IL20RB: variants seen among roughly 807,000 people sequenced by gnomAD.
IL20RB encodes interleukin-20 receptor subunit beta.
A neutral mutation model predicts 33.3 loss-of-function variants in IL20RB; 21 were observed. The observed-to-expected ratio is 0.63, with a 90% confidence interval of 0.45 to 0.91. The LOEUF is 0.91. IL20RB is among the 40% of genes least tolerant of loss of function. IL20RB has a pLI of 0.00. For synonymous variants in IL20RB, 147 were observed against 146.8 expected, an observed-to-expected ratio of 1.00 and a Z score of -0.01; for missense variants, 345 against 384.8, an observed-to-expected ratio of 0.90 and a Z score of 0.86.
intron 1 of IL20RB, among the ~76,000 whole-genome samples, chr3:136,962,508 C>T (rs1941248751): frequency 6.6e-6 from 1 of 152,128 alleles, no homozygotes; most frequent in Non-Finnish European, 1.5e-5. Context: ...AATCCCAGCA[C>T]TTTGGGAGGC....
At chr3:136,989,307 G>A in intron 3 of IL20RB, 134 bp from the exon 4 acceptor site, 1 of 975,856 alleles carries the variant, frequency 1.0e-6, no homozygotes, top group South Asian at 1.5e-5. Flanking sequence ...GTTTCCATGA[G>A]CTTGAAGCTA....
Position 137,010,355 on chromosome 3 carries a change from A to G in IL20RB, c.*132A>G, listed in dbSNP as rs916752526. Reference sequence around the variant, plus strand: ...AAGTAGGAAGAGCCTGTTGTCTACAAGTCTAGAAGCAACCATCAGAGGCAG... The same window carrying G: ...AAGTAGGAAGAGCCTGTTGTCTACAGGTCTAGAAGCAACCATCAGAGGCAG... On this transcript the variant is annotated 3_prime_UTR_variant, in exon 7 of 7. Coordinates refer to ENST00000329582, the MANE Select transcript of IL20RB (RefSeq NM_144717.4). 1.6e-6 allele frequency: 1 copy of G among 611,304 alleles called. No individual in the cohort carries two copies. The highest frequency in any genetic ancestry group is 3.0e-6 in the Non-Finnish European group (1 of 334,006). The allele number at this position is 611,304 out of a possible 1,614,324, so 37.9% of individuals were successfully genotyped here.
intron 6 of IL20RB, 117 bp from the exon 7 acceptor site, chr3:137,009,996 G>T (rs1577038124): frequency 4.8e-6 from 3 of 629,602 alleles, no homozygotes; most frequent in South Asian, 4.1e-5. Context: ...TTGTTTTTTG[G>T]TTTTTGTTTT....
At chr3:136,961,935 G>T (rs1330562045) in intron 1 of IL20RB, among the ~76,000 whole-genome samples, 1 of 152,186 alleles carries the variant, frequency 6.6e-6, no homozygotes, top group South Asian at 2.1e-4. Context: ...CAGCTTGAAA[G>T]TGTTCCCATT....
chr3:136,980,288 A>T (rs768286649), intron 1 of IL20RB, 178 bp from the exon 2 acceptor site: 2 of 622,126 alleles, frequency 3.2e-6, no homozygotes, highest in East Asian at 3.0e-5. Context: ...TAAACATGTG[A>T]GGCTTTTTTT....
At chr3:136,988,049 G>A (rs1270524511) in intron 3 of IL20RB, among the ~76,000 whole-genome samples, 1 of 152,230 alleles carries the variant, frequency 6.6e-6, no homozygotes, top group Admixed American at 6.5e-5. Flanking sequence ...TGCAGCGGTG[G>A]GCTGAAGGGC....
chr3:136,975,728 G>A (rs183627961), intron 1 of IL20RB, among the ~76,000 whole-genome samples: 1 of 152,328 alleles, frequency 6.6e-6, no homozygotes, highest in South Asian at 2.1e-4. Flanking sequence ...TGGAGTCTGT[G>A]GTGAAGTTGT....
intron 6 of IL20RB, among the ~76,000 whole-genome samples, chr3:137,000,918 C>G (rs1259038657): frequency 6.6e-6 from 1 of 152,170 alleles, no homozygotes; most frequent in Admixed American, 6.5e-5. Flanking sequence ...GTTTTTCTCT[C>G]TACCTCAAGA....
intron 2 of IL20RB, among the ~76,000 whole-genome samples, chr3:136,981,511 C>T (rs1941774669): frequency 6.6e-6 from 1 of 152,098 alleles, no homozygotes; most frequent in African/African-American, 2.4e-5. Flanking sequence ...CACTGAGGCT[C>T]CTTTATATTA....
intron 2 of IL20RB, among the ~76,000 whole-genome samples, chr3:136,981,383 G>A (rs918553813): frequency 5.3e-5 from 8 of 152,042 alleles, no homozygotes; most frequent in African/African-American, 1.9e-4. Context: ...GAACAACATC[G>A]ATTTAGAATA....
chr3:136,991,978 A>G lies in IL20RB; in HGVS notation c.572A>G (p.His191Arg). ...GTGAGGAGTGGGGGTATTCCAGTGC[A>G]CCTAGAAACCATGGAGCCAGGGGCT... ...KMVRSGGIPV[H>R]LETMEPGAAY... is the part of the protein sequence containing the mutation. Residue 191 changes from histidine (H) to arginine (R), a missense_variant, in exon 5 of 7, where the codon CAC becomes CGC. Physicochemically the swap from His to Arg is conservative, Grantham distance 29. Transcript: ENST00000329582. The G allele has an allele frequency of 1.2e-6, 2 of 1,614,170 alleles. No individual in the cohort carries two copies. Among genetic ancestry groups the G allele is most frequent in the Non-Finnish European group, 1.7e-6 (2 of 1,180,006 alleles).
At chr3:136,973,422 C>T (rs144449783) in intron 1 of IL20RB, among the ~76,000 whole-genome samples, 2,403 of 151,308 alleles carry the variant, frequency 0.016, 133 homozygotes, top group Admixed American at 0.1. Flanking sequence ...ACCCAGGAGG[C>T]GGAGGTTGCA....
At chr3:136,981,300 A>ATT (rs1941768861) in intron 2 of IL20RB, among the ~76,000 whole-genome samples, 3 of 152,208 alleles carry the variant, frequency 2.0e-5, no homozygotes, top group Admixed American at 1.3e-4. Flanking sequence ...ATTAAATTAA[A>ATT]ATGTCTGTTT....
At chr3:136,985,090 T>C (rs1941868731) in intron 3 of IL20RB, among the ~76,000 whole-genome samples, 1 of 152,208 alleles carries the variant, frequency 6.6e-6, no homozygotes, top group African/African-American at 2.4e-5. Context: ...TACGAAGGCC[T>C]GTATAAACAG....
chr3:137,003,534 G>T (rs1055127361), intron 6 of IL20RB, among the ~76,000 whole-genome samples: 11 of 152,130 alleles, frequency 7.2e-5, no homozygotes, highest in South Asian at 2.1e-4. Context: ...TTGTAGCAAT[G>T]GTGAATGGGA....
intron 6 of IL20RB, among the ~76,000 whole-genome samples, chr3:136,999,828 T>C (rs1317490370): frequency 6.6e-6 from 1 of 152,208 alleles, no homozygotes; most frequent in Non-Finnish European, 1.5e-5. Context: ...TTCTAGAATT[T>C]CCATTTGTTT....
At chr3:136,996,776 A>C (rs1270368347) in intron 6 of IL20RB, among the ~76,000 whole-genome samples, 1 of 152,082 alleles carries the variant, frequency 6.6e-6, no homozygotes, top group African/African-American at 2.4e-5. Flanking sequence ...TGTCCTTTTT[A>C]TCAGTTCCCC....
At chr3:137,008,774 G>A (rs1456282169) in intron 6 of IL20RB, among the ~76,000 whole-genome samples, 12 of 152,080 alleles carry the variant, frequency 7.9e-5, no homozygotes, top group Non-Finnish European at 1.8e-4. Flanking sequence ...TTTTTTAAGT[G>A]ACGTGTTAAA....
chr3:136,976,721 T>G (rs1354383661), intron 1 of IL20RB, among the ~76,000 whole-genome samples: 2 of 152,210 alleles, frequency 1.3e-5, no homozygotes, highest in Non-Finnish European at 2.9e-5. Context: ...AATGCTTCAG[T>G]CTTGGTGCTG....
Sources: allele counts gnomAD v4.1 joint callset (sites outside exome capture counted in the v4.1 genomes callset), GRCh38; gene constraint gnomAD v4.1.1; transcripts MANE v1.5; gene names NCBI Gene and HGNC (gene_info 2026-07-23, HGNC 2026-07-21).